The following OSBPL10 variants were observed in gnomAD, a reference collection of about 807,000 sequenced individuals.
The protein encoded by OSBPL10 is oxysterol-binding protein-related protein 10.
Under a neutral mutation model 81.7 loss-of-function variants are expected in OSBPL10, and 49 were observed. That is an observed-to-expected ratio of 0.60 (90% CI 0.48 to 0.76). OSBPL10 has a LOEUF of 0.76. Among genes scored for constraint, OSBPL10 ranks in the 30% least tolerant of loss-of-function variants. OSBPL10 has a pLI of 0.00. For synonymous variants in OSBPL10, 419 were observed against 383.6 expected, an observed-to-expected ratio of 1.09 and a Z score of -1.08; for missense variants, 923 against 987.8, an observed-to-expected ratio of 0.93 and a Z score of 0.88.
intron 3 of OSBPL10, among the ~76,000 whole-genome samples, chr3:31,870,793 A>G (rs913001161): frequency 2.0e-5 from 3 of 152,002 alleles, no homozygotes; most frequent in African/African-American, 7.3e-5. Context: ...GATTGTAAAT[A>G]CACCAATCAG....
chr3:31,663,420 A>G, intron 11 of OSBPL10: 4 of 986,678 alleles, frequency 4.1e-6, no homozygotes, highest in Non-Finnish European at 4.8e-6. Flanking sequence ...CATTTTCATA[A>G]TTTCCAATTC....
intron 1 of OSBPL10, among the ~76,000 whole-genome samples, chr3:32,048,886 A>C (rs1699647282): frequency 6.6e-6 from 1 of 152,162 alleles, no homozygotes. Context: ...AACCCACCAA[A>C]AACAACATGG....
chr3:31,869,596 T>C (rs914735242), intron 3 of OSBPL10, among the ~76,000 whole-genome samples: 12 of 152,142 alleles, frequency 7.9e-5, no homozygotes, highest in African/African-American at 2.9e-4. Context: ...CTGCAATATA[T>C]GAAAATATGG....
chr3:31,878,682 G>A lies in OSBPL10; in HGVS notation c.457+973C>T, dbSNP rs79817005. On this transcript the variant is annotated intron_variant, in intron 2 of 11. Transcript: ENST00000396556. ...GGTCACGAACAGATAGCAAGCAGCC[G>A]TTTCTTCATACTTAGCTCTTAGTCA... 4.2e-3 allele frequency among the ~76,000 whole-genome samples: 646 copies of A among 152,196 alleles called. 24 individuals are homozygous for A. The East Asian group carries it at 0.1, about 24-fold the overall frequency.
chr3:31,777,376 C>T (rs1055518450), intron 4 of OSBPL10, among the ~76,000 whole-genome samples: 3 of 152,032 alleles, frequency 2.0e-5, no homozygotes, highest in Non-Finnish European at 4.4e-5. Flanking sequence ...GTGAGTGACT[C>T]GCTATTGTCC....
chr3:32,032,640 G>A lies in OSBPL10; in HGVS notation n.298+13851C>T, dbSNP rs192918891. The stretch of plus-strand genomic sequence containing the variant: ...TAAATAGGACACTGGATATTTTTTT[G>A]TGAATATGAAAAGAAACAAGAATAT... On this transcript the variant is annotated intron_variant and non_coding_transcript_variant, in intron 2 of 3. Coordinates refer to the OSBPL10 transcript ENST00000479173. Among the ~76,000 whole-genome samples, 835 of 152,158 alleles carry A rather than the reference G, an allele frequency of 5.5e-3. 5 individuals carry two copies. Among genetic ancestry groups the A allele is most frequent in the Non-Finnish European group, 7.4e-3 (504 of 67,996 alleles).
At chr3:31,870,582 G>A (rs1180526434) in intron 3 of OSBPL10, among the ~76,000 whole-genome samples, 3 of 152,282 alleles carry the variant, frequency 2.0e-5, no homozygotes, top group Admixed American at 2.0e-4. Context: ...GGGCTTCTGA[G>A]TCTGGTGGGG....
intron 3 of OSBPL10, among the ~76,000 whole-genome samples, chr3:31,848,395 A>T (rs1401460908): frequency 1.3e-5 from 2 of 151,736 alleles, no homozygotes; most frequent in African/African-American, 4.8e-5. Flanking sequence ...CACGGTGGAA[A>T]ATGTTTTGTG....
At chr3:31,936,306 C>T (rs1290673416) in intron 1 of OSBPL10, among the ~76,000 whole-genome samples, 5 of 152,210 alleles carry the variant, frequency 3.3e-5, no homozygotes, top group African/African-American at 1.2e-4. Flanking sequence ...CATTTATTTA[C>T]TGAGGCAGTC....
intron 7 of OSBPL10, among the ~76,000 whole-genome samples, chr3:31,699,120 C>G (rs967788332): frequency 6.6e-6 from 1 of 152,180 alleles, no homozygotes; most frequent in African/African-American, 2.4e-5. Context: ...TGGTCCTACA[C>G]CTGCAAGCTC....
chr3:31,965,855 T>TTATATATATTATATAAATA (rs1698376116), intron 1 of OSBPL10, among the ~76,000 whole-genome samples: 1 of 84,820 alleles, frequency 1.2e-5, no homozygotes, highest in Non-Finnish European at 2.0e-5. Flanking sequence ...TATAAAAAGA[T>TTATATATATTATATAAATA]AATATATAAT....
intron 1 of OSBPL10, among the ~76,000 whole-genome samples, chr3:32,070,130 AGG>A (rs1185803748): frequency 6.6e-6 from 1 of 152,180 alleles, no homozygotes. Flanking sequence ...GCCGAGCTTT[AGG>A]TAACTCTTAT....
chr3:32,008,332 T>C (rs1030485144), intron 2 of OSBPL10, among the ~76,000 whole-genome samples: 6 of 151,500 alleles, frequency 4.0e-5, no homozygotes, highest in African/African-American at 1.5e-4. Flanking sequence ...TTTGTTTTTT[T>C]AGTAAAGACA....
intron 4 of OSBPL10, among the ~76,000 whole-genome samples, chr3:31,790,142 C>G (rs1318906479): frequency 6.6e-6 from 1 of 152,168 alleles, no homozygotes; most frequent in South Asian, 2.1e-4. Context: ...CCGATAAACA[C>G]ATGACATGCT....
intron 2 of OSBPL10, among the ~76,000 whole-genome samples, chr3:32,006,574 C>A (rs919453230): frequency 6.6e-6 from 1 of 152,072 alleles, no homozygotes; most frequent in African/African-American, 2.4e-5. Context: ...CTTTTTTTAA[C>A]TTTATAGTTT....
chr3:31,925,439 C>A (rs1401177405), intron 1 of OSBPL10, among the ~76,000 whole-genome samples: 2 of 152,134 alleles, frequency 1.3e-5, no homozygotes, highest in African/African-American at 4.8e-5. Flanking sequence ...ACTTTTGACT[C>A]CCCAGGACTA....
chr3:31,712,223 T>C (rs1696277992), intron 6 of OSBPL10, among the ~76,000 whole-genome samples: 1 of 152,198 alleles, frequency 6.6e-6, no homozygotes, highest in Non-Finnish European at 1.5e-5. Context: ...AGTGTGTATC[T>C]CAAGTTCAGC....
At chr3:31,709,750 A>G (rs1696193383) in intron 6 of OSBPL10, among the ~76,000 whole-genome samples, 1 of 152,204 alleles carries the variant, frequency 6.6e-6, no homozygotes, top group Non-Finnish European at 1.5e-5. Context: ...GAGGCTGCAA[A>G]TCAAGCTTAG....
intron 1 of OSBPL10, among the ~76,000 whole-genome samples, chr3:31,952,199 T>C (rs940948878): frequency 1.3e-5 from 2 of 152,258 alleles, no homozygotes; most frequent in African/African-American, 4.8e-5. Flanking sequence ...TGGTGCAAAG[T>C]GGAAAGCCAT....
Sources: allele counts gnomAD v4.1 joint callset (sites outside exome capture counted in the v4.1 genomes callset), GRCh38; gene constraint gnomAD v4.1.1; transcripts MANE v1.5; gene names NCBI Gene and HGNC (gene_info 2026-07-23, HGNC 2026-07-21).